The following NFILZ variants were observed in gnomAD, a reference collection of about 807,000 sequenced individuals.
NFILZ encodes the protein NFIL3 like protein.
At chr19:8,672,898 G>A (rs1377840310) in intron 3 of NFILZ, among the ~76,000 whole-genome samples, 1 of 152,154 alleles carries the variant, frequency 6.6e-6, no homozygotes, top group East Asian at 1.9e-4. Flanking sequence ...ACACCCCAGA[G>A]GCTTTTAAGC....
At chr19:8,649,133 T>C (rs2042954527) in intron 3 of NFILZ, among the ~76,000 whole-genome samples, 1 of 151,472 alleles carries the variant, frequency 6.6e-6, no homozygotes, top group African/African-American at 2.4e-5. Context: ...TGGCTGACTT[T>C]CGTATTTTTT....
At chr19:8,653,656 A>G (rs1052702659) in intron 3 of NFILZ, among the ~76,000 whole-genome samples, 1 of 152,246 alleles carries the variant, frequency 6.6e-6, no homozygotes, top group Admixed American at 6.5e-5. Flanking sequence ...AAAGAATGAA[A>G]TAATGTGTTT....
chr19:8,647,386 A>G (rs2042943306), intron 3 of NFILZ, among the ~76,000 whole-genome samples: 1 of 152,160 alleles, frequency 6.6e-6, no homozygotes, highest in Admixed American at 6.5e-5. Flanking sequence ...AGCCTAGCCA[A>G]CATGGTGAAA....
At chr19:8,650,634 A>G (rs1555747619) in intron 3 of NFILZ, among the ~76,000 whole-genome samples, 1 of 148,860 alleles carries the variant, frequency 6.7e-6, no homozygotes, top group East Asian at 2.0e-4. Context: ...AGCCTGCAAG[A>G]TGGAGTGAGA....
intron 3 of NFILZ, among the ~76,000 whole-genome samples, chr19:8,656,896 G>A (rs2146155953): frequency 6.6e-6 from 1 of 152,252 alleles, no homozygotes; most frequent in Middle Eastern, 3.4e-3. Flanking sequence ...GGGAGGTGGG[G>A]GAGTCCAGCT....
At chr19:8,652,171 C>T (rs1256615799) in intron 3 of NFILZ, among the ~76,000 whole-genome samples, 4 of 149,674 alleles carry the variant, frequency 2.7e-5, no homozygotes, top group African/African-American at 7.4e-5. Flanking sequence ...GGCGCGATCT[C>T]GGCTCACTGC....
At chr19:8,662,020 C>T (rs2043033892) in intron 3 of NFILZ, among the ~76,000 whole-genome samples, 1 of 151,926 alleles carries the variant, frequency 6.6e-6, no homozygotes, top group Non-Finnish European at 1.5e-5. Context: ...GGCAACGTAG[C>T]AAGACCCAGT....
chr19:8,647,909 G>A (rs1466822808), intron 3 of NFILZ, among the ~76,000 whole-genome samples: 1 of 151,228 alleles, frequency 6.6e-6, no homozygotes, highest in African/African-American at 2.4e-5. Flanking sequence ...GCGGTGGCTC[G>A]TGCCTGTAAT....
chr19:8,633,984 T>C (rs2146133557), intron 2 of NFILZ, among the ~76,000 whole-genome samples: 1 of 150,326 alleles, frequency 6.7e-6, no homozygotes, highest in Non-Finnish European at 1.5e-5. Flanking sequence ...TTTTTTGCTT[T>C]CTTGCTTGCT....
At chr19:8,649,660 G>C (rs2042956595) in intron 3 of NFILZ, among the ~76,000 whole-genome samples, 1 of 152,044 alleles carries the variant, frequency 6.6e-6, no homozygotes, top group African/African-American at 2.4e-5. Context: ...TGGTTTTCTT[G>C]GTCCAGCCCA....
intron 3 of NFILZ, among the ~76,000 whole-genome samples, 105 bp from the exon 4 acceptor site, chr19:8,674,446 A>T (rs73924320): frequency 0.014 from 2,160 of 152,168 alleles, 49 homozygotes; most frequent in African/African-American, 0.049. Context: ...GAATGAATAA[A>T]TATGCACCTC....
At chr19:8,643,438 G>A (rs782379475) in intron 3 of NFILZ, among the ~76,000 whole-genome samples, 1 of 152,154 alleles carries the variant, frequency 6.6e-6, no homozygotes, top group Non-Finnish European at 1.5e-5. Flanking sequence ...CCAGATATCT[G>A]GGTTAAACAT....
chr19:8,640,948 G>A (rs2042916494), intron 3 of NFILZ, among the ~76,000 whole-genome samples: 1 of 152,158 alleles, frequency 6.6e-6, no homozygotes, highest in Non-Finnish European at 1.5e-5. Context: ...GAAGACCAGG[G>A]TTACACTTAA....
intron 3 of NFILZ, among the ~76,000 whole-genome samples, chr19:8,671,157 C>G (rs558161263): frequency 5.3e-5 from 8 of 152,106 alleles, no homozygotes. Context: ...AAGGCAGCTG[C>G]GGAGGCTGCT....
chr19:8,663,752 G>GCA (rs2043047335), intron 3 of NFILZ, among the ~76,000 whole-genome samples: 7 of 127,752 alleles, frequency 5.5e-5, no homozygotes, highest in Admixed American at 8.9e-5. Flanking sequence ...GTGTGTGTGT[G>GCA]TGTGTGTGTG....
chr19:8,673,835 C>CATTGATTG (rs560769834), intron 3 of NFILZ, among the ~76,000 whole-genome samples: 8 of 152,040 alleles, frequency 5.3e-5, no homozygotes, highest in African/African-American at 1.7e-4. Context: ...CACCACAAGG[C>CATTGATTG]ATTGATTGAT....
Position 8,680,355 on chromosome 19 carries a change from A to T in NFILZ, c.*2720A>T, listed in dbSNP as rs1341646583. Among the ~76,000 whole-genome samples, 1 of 151,850 alleles carries T rather than the reference A, an allele frequency of 6.6e-6. No individual in the cohort carries two copies. The highest frequency in any genetic ancestry group is 2.4e-5 in the African/African-American group (1 of 41,270). On this transcript the variant is annotated 3_prime_UTR_variant, in exon 6 of 6. Transcript: ENST00000691075. ...TTTTAATTCATTTGCTTATTTAGCA[A>T]ATTTTCTTGATCATAAGTTTCTCAT...
intron 3 of NFILZ, among the ~76,000 whole-genome samples, chr19:8,654,110 T>C (rs1457631211): frequency 4.6e-5 from 7 of 152,092 alleles, no homozygotes; most frequent in Non-Finnish European, 7.4e-5. Context: ...CAGGTGCCTG[T>C]AGTCCCAGCT....
At chr19:8,638,338 C>T (rs1349911559) in intron 3 of NFILZ, among the ~76,000 whole-genome samples, 5 of 152,120 alleles carry the variant, frequency 3.3e-5, no homozygotes, top group Non-Finnish European at 7.4e-5. Context: ...CATTTGTGGG[C>T]GTGCAAAGGG....
Sources: gnomAD v4.1 joint callset for allele counts (sites outside exome capture counted in the v4.1 genomes callset) on GRCh38, gnomAD v4.1.1 for gene constraint, MANE v1.5 for transcripts, NCBI Gene and HGNC (gene_info 2026-07-23, HGNC 2026-07-21) for gene names.